DCUN1D2: variants seen among roughly 807,000 people sequenced by gnomAD.
The protein encoded by DCUN1D2 is DCN1-like protein 2.
DCUN1D2 carries 29 observed loss-of-function variants against 30.9 expected under a neutral mutation model. The observed-to-expected ratio is 0.94, with a 90% confidence interval of 0.70 to 1.28. The LOEUF (loss-of-function observed/expected upper bound fraction) is 1.28, where lower values mean the gene tolerates loss of function less well. Ranked by LOEUF, DCUN1D2 falls within the 50% of genes most tolerant of loss-of-function variation. The pLI is 0.00. For missense variants in DCUN1D2, 325 were observed against 316.9 expected (o/e 1.03, Z -0.19); for synonymous variants, 121 against 115.3 (o/e 1.05, Z -0.32).
chr13:113,488,350 A>C lies in DCUN1D2; in HGVS notation c.3+2317T>G, dbSNP rs191977401. On this transcript the variant is annotated intron_variant, in intron 1 of 6. Coordinates refer to ENST00000478244, the MANE Select transcript of DCUN1D2 (RefSeq NM_001014283.2). This position sits in a 1 kb window ranked among gnomAD's most constrained non-coding sequence, Gnocchi z 4.3. ...CCATTAACAGGCCTCTGGTCAGTCA[A>C]CAAAGCTGCAATCATTTGATGTCAC... 1.2e-4 allele frequency among the ~76,000 whole-genome samples: 18 copies of C among 152,352 alleles called. No homozygotes were observed. Among genetic ancestry groups the C allele is most frequent in the Admixed American group, 9.1e-4 (14 of 15,310 alleles).
chr13:113,456,381 A>T lies in DCUN1D2; in HGVS notation c.*1648T>A. 2.5e-6 allele frequency: 1 copy of T among 398,890 alleles called. No homozygotes were observed. The highest frequency in any genetic ancestry group is 4.4e-5 in the Admixed American group (1 of 22,740). The allele number at this position is 398,890 out of a possible 1,614,324, so 24.7% of individuals were successfully genotyped here. ...TCGTCCTGCAGCCTCCAAGCACACTAACCTCAGCCATCAGATGTTCCTGAA... is the reference window on the plus strand; with the variant it reads ...TCGTCCTGCAGCCTCCAAGCACACTTACCTCAGCCATCAGATGTTCCTGAA... On this transcript the variant is annotated 3_prime_UTR_variant, in exon 7 of 7. Coordinates refer to ENST00000478244, the MANE Select transcript of DCUN1D2 (RefSeq NM_001014283.2).
In DCUN1D2 at chr13:113,462,807, AT is replaced by A. The variant is rs763826822; in HGVS notation, c.521-1672del. 5.8e-6 allele frequency: 7 copies of A among 1,198,152 alleles called. No homozygotes were observed. In the African/African-American group the frequency reaches 1.1e-4, roughly 20 times the overall value. 74.2% of individuals were successfully genotyped at this position (1,198,152 alleles called of 1,614,324 possible). A position where few individuals can be genotyped will look rare whatever the true frequency, so the allele number is the denominator to read the frequency against. ...GTCCTGCTTATAAGTCTACATCCTT[AT>A]CACTTAGGAAGAACATTAATTGAAA... On this transcript the variant is annotated intron_variant, in intron 4 of 6. Coordinates refer to ENST00000478244, the MANE Select transcript of DCUN1D2 (RefSeq NM_001014283.2).
chr13:113,461,464 T>A (rs1011665182), intron 4 of DCUN1D2, among the ~76,000 whole-genome samples: 1 of 152,244 alleles, frequency 6.6e-6, no homozygotes, highest in African/African-American at 2.4e-5. Context: ...ATACTATTAA[T>A]GCGTATCATT....
upstream of DCUN1D2, chr13:113,490,755 G>A (rs2044961971): frequency 8.8e-7 from 1 of 1,138,222 alleles, no homozygotes; most frequent in Non-Finnish European, 1.1e-6. The surrounding 1 kb of genome is among the most constrained non-coding windows in gnomAD (Gnocchi z 5.2). Flanking sequence ...GACGGCCGCG[G>A]CCCTCGGCTC....
intron 4 of DCUN1D2, chr13:113,463,199 C>T (rs959075245): frequency 6.4e-6 from 1 of 155,640 alleles, no homozygotes; most frequent in African/African-American, 2.4e-5. Context: ...TTTATAGCAG[C>T]TATTTTCTTT....
At chr13:113,468,888 G>T in intron 4 of DCUN1D2, 1 of 152,478 alleles carries the variant, frequency 6.6e-6, no homozygotes. Context: ...GGGGACGTGG[G>T]GGGCACAGGG....
intron 4 of DCUN1D2, among the ~76,000 whole-genome samples, chr13:113,464,689 G>T (rs982134245): frequency 6.6e-6 from 1 of 152,280 alleles, no homozygotes; most frequent in African/African-American, 2.4e-5. Context: ...ACGTGGGGCA[G>T]CTGGAGGCAG....
chr13:113,480,530 T>G, intron 3 of DCUN1D2, 45 bp downstream of exon 3: 4 of 1,601,562 alleles, frequency 2.5e-6, no homozygotes, highest in Non-Finnish European at 3.4e-6. Context: ...ATGTTAGAAG[T>G]ATTTTCATTT....
chr13:113,462,514 G>A (rs2044334966), intron 4 of DCUN1D2, among the ~76,000 whole-genome samples: 1 of 152,116 alleles, frequency 6.6e-6, no homozygotes. Flanking sequence ...TATTAAAGTT[G>A]GAGCTGTAGC....
Position 113,456,188 on chromosome 13 carries a change from T to C in DCUN1D2, c.*1841A>G. 1 of 398,598 alleles carries C rather than the reference T, an allele frequency of 2.5e-6. No homozygotes were observed. The highest frequency in any genetic ancestry group is 2.1e-5 in the African/African-American group (1 of 48,732). The allele number at this position is 398,598 out of a possible 1,614,324, so 24.7% of individuals were successfully genotyped here. ...GACTTCTAAAGGTAGACAGGCCCAGTTTCCCATTAGAGTTCTGGAAGCAGA... is the reference window on the plus strand; with the variant it reads ...GACTTCTAAAGGTAGACAGGCCCAGCTTCCCATTAGAGTTCTGGAAGCAGA... On this transcript the variant is annotated 3_prime_UTR_variant, in exon 7 of 7. Coordinates refer to ENST00000478244, the MANE Select transcript of DCUN1D2 (RefSeq NM_001014283.2).
At chr13:113,466,293 C>T (rs2044401601) in intron 4 of DCUN1D2, among the ~76,000 whole-genome samples, 1 of 152,036 alleles carries the variant, frequency 6.6e-6, no homozygotes, top group South Asian at 2.1e-4. Context: ...TTTGCCTTAG[C>T]CTCTTAGAAA....
chr13:113,456,366 G>T lies in DCUN1D2; in HGVS notation c.*1663C>A. ...AGAAACATCGACAGTTCGTCCTGCA[G>T]CCTCCAAGCACACTAACCTCAGCCA... On this transcript the variant is annotated 3_prime_UTR_variant, in exon 7 of 7. Transcript: ENST00000478244. 2.5e-6 allele frequency: 1 copy of T among 398,876 alleles called. No individual in the cohort carries two copies. The highest frequency in any genetic ancestry group is 4.4e-6 in the Non-Finnish European group (1 of 226,260). The allele number at this position is 398,876 out of a possible 1,614,324, so 24.7% of individuals were successfully genotyped here.
At chr13:113,464,226 T>C (rs1331181616) in intron 4 of DCUN1D2, among the ~76,000 whole-genome samples, 1 of 152,240 alleles carries the variant, frequency 6.6e-6, no homozygotes, top group Non-Finnish European at 1.5e-5. Flanking sequence ...CTATAGTGAA[T>C]GATTCTGACA....
At chr13:113,483,808 A>C in intron 2 of DCUN1D2, 32 bp downstream of exon 2, 1 of 1,599,770 alleles carries the variant, frequency 6.3e-7, no homozygotes, top group African/African-American at 1.3e-5. Context: ...GGAGGCCGAC[A>C]TCCGTCCGGC....
chr13:113,480,456 T>C, intron 3 of DCUN1D2, 119 bp downstream of exon 3: 1 of 1,135,964 alleles, frequency 8.8e-7, no homozygotes, highest in South Asian at 1.6e-5. Flanking sequence ...GCATAAGAAA[T>C]TTTAAAGATA....
At position 113,488,885 on chromosome 13, in the gene DCUN1D2, T is replaced by C. The variant is rs1038785062; in HGVS notation, c.3+1782A>G. On this transcript the variant is annotated intron_variant, in intron 1 of 6. Transcript: ENST00000478244. This position sits in a 1 kb window ranked among gnomAD's most constrained non-coding sequence, Gnocchi z 4.3. ...GGGGAAGGCATTTTCTAGGTTTCATTATTTCTGTTAAAATGTACACAATTC... is the reference window on the plus strand; with the variant it reads ...GGGGAAGGCATTTTCTAGGTTTCATCATTTCTGTTAAAATGTACACAATTC... 1.9e-4 allele frequency among the ~76,000 whole-genome samples: 29 copies of C among 152,220 alleles called. No individual in the cohort carries two copies. Among genetic ancestry groups the C allele is most frequent in the African/African-American group, 6.8e-4 (28 of 41,452 alleles).
In DCUN1D2 at chr13:113,457,321, A is replaced by G. The variant is rs2044241979; in HGVS notation, c.*708T>C. ...GCAGGTCAAATAATATTTAAGTAAG[A>G]GAGGCCCAGTGATATATAAACGGTG... On this transcript the variant is annotated 3_prime_UTR_variant, in exon 7 of 7. Transcript: ENST00000478244. 2 of 152,250 alleles carry G rather than the reference A, an allele frequency of 1.3e-5. No homozygotes were observed. The highest frequency in any genetic ancestry group is 4.8e-5 in the African/African-American group (2 of 41,468). 9.4% of individuals were successfully genotyped at this position (152,250 alleles called of 1,614,324 possible).
At chr13:113,462,859 G>A (rs577744855) in intron 4 of DCUN1D2, 4 of 1,261,698 alleles carry the variant, frequency 3.2e-6, no homozygotes, top group South Asian at 1.4e-5. Context: ...TCTTAATGAT[G>A]TAAAGCTTTC....
chr13:113,461,991 G>A (rs1002534878), intron 4 of DCUN1D2, among the ~76,000 whole-genome samples: 1 of 152,100 alleles, frequency 6.6e-6, no homozygotes, highest in African/African-American at 2.4e-5. Flanking sequence ...GGTGGCTCAC[G>A]CCTGTAATCT....
Sources: allele counts gnomAD v4.1 joint callset (sites outside exome capture counted in the v4.1 genomes callset), GRCh38; gene constraint gnomAD v4.1.1; non-coding constraint Gnocchi (gnomAD v3.1); transcripts MANE v1.5; gene names NCBI Gene and HGNC (gene_info 2026-07-23, HGNC 2026-07-21).